Variants in MIB1 observed in about 807,000 individuals in gnomAD.
MIB1 encodes the protein E3 ubiquitin-protein ligase MIB1.
Under a neutral mutation model 124.5 loss-of-function variants are expected in MIB1, and 278 were observed. The ratio of observed to expected loss-of-function variants is 2.23; its 90% CI spans 2.02 to 2.47. The LOEUF (loss-of-function observed/expected upper bound fraction) is 2.47. Ranked by LOEUF, MIB1 falls within the 30% of genes most tolerant of loss-of-function variation. The probability of loss-of-function intolerance (pLI) is 0.00; values close to 1 mark genes in which losing one functional copy is unlikely to be tolerated. For missense variants in MIB1, 957 were observed against 1,254.4 expected (o/e 0.76, Z 3.58); for synonymous variants, 446 against 429.4 (o/e 1.04, Z -0.48).
intron 1 of MIB1, among the ~76,000 whole-genome samples, chr18:21,729,184 C>T (rs915463345): frequency 2.0e-5 from 3 of 152,186 alleles, no homozygotes; most frequent in African/African-American, 7.2e-5. Context: ...AACATCACCT[C>T]TATAGGTCTT....
chr18:21,741,563 G>A lies in MIB1; in HGVS notation c.-21G>A. The A allele has an allele frequency of 7.4e-7, 1 of 1,354,274 alleles. No homozygotes were observed. The highest frequency in any genetic ancestry group is 9.5e-7 in the Non-Finnish European group (1 of 1,054,162). The allele number at this position is 1,354,274 out of a possible 1,614,324, so 83.9% of individuals were successfully genotyped here. ...GGCGGCGGCGGCGGCGGCAGCGGCG[G>A]AGCCCACCGCCCGGGCCCCGATGAG... is the stretch of plus-strand genomic sequence containing the variant. On this transcript the variant is annotated 5_prime_UTR_variant, in exon 1 of 21. Coordinates refer to ENST00000261537, the MANE Select transcript of MIB1 (RefSeq NM_020774.4). This position sits in a 1 kb window ranked among gnomAD's most constrained non-coding sequence, Gnocchi z 5.4.
rs1335472450 is a variant in MIB1, at chr18:21,768,714, T to G, written c.493T>G (p.Trp165Gly). ...AGTGGTGCGAGGAGTGGACTGGCAG[T>G]GGGAAGATCAAGATGGAGGAAATGG... ...ARVVRGVDWQ[W>G]EDQDGGNGRR... The change falls in exon 3 of 21, where the codon TGG (tryptophan) becomes GGG (glycine). Residue 165 changes from tryptophan to glycine, a missense_variant. Transcript: ENST00000261537. 6.2e-7 allele frequency: 1 copy of G among 1,611,194 alleles called. No homozygotes were observed. The highest frequency in any genetic ancestry group is 1.7e-5 in the Admixed American group (1 of 59,830).
chr18:21,811,418 T>C (rs1358336744), intron 10 of MIB1, among the ~76,000 whole-genome samples: 1 of 152,214 alleles, frequency 6.6e-6, no homozygotes. Flanking sequence ...TTTGTTCACC[T>C]GTGTTTTTAG....
intron 17 of MIB1, among the ~76,000 whole-genome samples, chr18:21,851,491 G>A (rs996396695): frequency 6.6e-5 from 10 of 152,094 alleles, no homozygotes; most frequent in Admixed American, 5.2e-4. Flanking sequence ...TGCCAGGTTG[G>A]TTGTAGAGCC....
rs140117671 is a variant in MIB1 at position 21,719,231 on chromosome 18, G to A, written n.167+14108G>A. On this transcript the variant is annotated intron_variant and non_coding_transcript_variant, in intron 1 of 20. Coordinates refer to the MIB1 transcript ENST00000578646. ...TTAGCCAGGCATGGTAGCTACTTAG[G>A]AGGCTGAGGTGGGAGGATTGCTTGA... is the stretch of plus-strand genomic sequence containing the variant. 2.9e-3 allele frequency among the ~76,000 whole-genome samples: 440 copies of A among 152,046 alleles called. 14 individuals carry two copies. In the East Asian group the frequency reaches 0.055, roughly 19 times the overall value.
At chr18:21,774,360 G>T (rs960981643) in intron 4 of MIB1, among the ~76,000 whole-genome samples, 1 of 152,166 alleles carries the variant, frequency 6.6e-6, no homozygotes. Flanking sequence ...AGGCCCAGGT[G>T]GGTGGATCAC....
At chr18:21,828,035 G>T (rs2041942366) in intron 12 of MIB1, 1 of 151,810 alleles carries the variant, frequency 6.6e-6, no homozygotes, top group Admixed American at 6.6e-5. Flanking sequence ...GCATTATTTG[G>T]AATTTTTTAT....
At position 21,815,544 on chromosome 18, in the gene MIB1, A is replaced by G. The variant is rs145334316; in HGVS notation, c.1480-72A>G. 1,138 of 1,301,126 alleles carry G rather than the reference A, an allele frequency of 8.7e-4. 10 individuals carry two copies. In the East Asian group the frequency reaches 0.013, roughly 15 times the overall value. The allele number at this position is 1,301,126 out of a possible 1,614,324, so 80.6% of individuals were successfully genotyped here. A position where few individuals can be genotyped will look rare whatever the true frequency, so the allele number is the denominator to read the frequency against. ...TTCTCAAATTAATCTGCTTCTTGGTATATTATTATAGCTTCAAGGTTTTTT... is the reference window on the plus strand; with the variant it reads ...TTCTCAAATTAATCTGCTTCTTGGTGTATTATTATAGCTTCAAGGTTTTTT... On this transcript the variant is annotated intron_variant, in intron 10 of 20. Transcript: ENST00000261537.
At chr18:21,814,221 G>T (rs2041804663) in intron 10 of MIB1, among the ~76,000 whole-genome samples, 1 of 151,946 alleles carries the variant, frequency 6.6e-6, no homozygotes, top group Admixed American at 6.6e-5. Context: ...ATGGAATTTT[G>T]GTAGTTTATG....
In MIB1 at chr18:21,776,875, G is replaced by A. The variant is rs2041294532; in HGVS notation, c.637-1228G>A. 2.6e-5 allele frequency among the ~76,000 whole-genome samples: 4 copies of A among 152,020 alleles called. 1 individual carries two copies. The South Asian group carries it at 8.3e-4, about 32-fold the overall frequency. ...GCCTGTATTCCCAGCTACTGGGGAG[G>A]CAGAGGCAGGAGAATTGCTTGAACC... On this transcript the variant is annotated intron_variant, in intron 4 of 20. Transcript: ENST00000261537.
chr18:21,724,864 G>A (rs1478745100), intron 1 of MIB1, among the ~76,000 whole-genome samples: 3 of 143,502 alleles, frequency 2.1e-5, no homozygotes, highest in African/African-American at 7.7e-5. Flanking sequence ...AGACCGAGGC[G>A]GGCGGATCAC....
At chr18:21,835,219 T>A (rs1238618577) in intron 12 of MIB1, among the ~76,000 whole-genome samples, 1 of 152,192 alleles carries the variant, frequency 6.6e-6, no homozygotes, top group Non-Finnish European at 1.5e-5. Flanking sequence ...TTATCAAGAC[T>A]AGTCTTATTT....
At chr18:21,778,010 G>T in intron 4 of MIB1, 93 bp from the exon 5 acceptor site, 1 of 828,934 alleles carries the variant, frequency 1.2e-6, no homozygotes, top group Non-Finnish European at 2.1e-6. Context: ...TTTCTGTTTT[G>T]GGTATGTTCT....
At chr18:21,838,335 A>G in intron 12 of MIB1, 30 bp from the exon 13 acceptor site, 2 of 1,498,118 alleles carry the variant, frequency 1.3e-6, no homozygotes, top group Non-Finnish European at 1.8e-6. Flanking sequence ...AATTATGCAA[A>G]TATAGAAATA....
chr18:21,852,529 G>A (rs561643762), intron 17 of MIB1, among the ~76,000 whole-genome samples: 2 of 152,306 alleles, frequency 1.3e-5, no homozygotes, highest in Admixed American at 6.5e-5. Context: ...AAGTGGACAT[G>A]AAGAAGAGGT....
chr18:21,715,025 C>T (rs1179157276), intron 1 of MIB1, among the ~76,000 whole-genome samples: 2 of 152,104 alleles, frequency 1.3e-5, no homozygotes, highest in South Asian at 2.1e-4. Context: ...AGTCTCGCTT[C>T]GTGAACTTTT....
intron 1 of MIB1, among the ~76,000 whole-genome samples, chr18:21,718,728 G>A (rs191214229): frequency 1.3e-5 from 2 of 152,326 alleles, no homozygotes; most frequent in African/African-American, 4.8e-5. Flanking sequence ...TGGCAAGACA[G>A]GTTCAAGTTC....
At chr18:21,721,171 T>TG (rs2040713700) in intron 1 of MIB1, among the ~76,000 whole-genome samples, 1 of 99,924 alleles carries the variant, frequency 1.0e-5, no homozygotes, top group Admixed American at 9.9e-5. Context: ...TTTTTTTTTT[T>TG]TTTTTTTTTT....
At chr18:21,855,729 T>A (rs2042220497) in intron 18 of MIB1, among the ~76,000 whole-genome samples, 1 of 152,206 alleles carries the variant, frequency 6.6e-6, no homozygotes, top group Non-Finnish European at 1.5e-5. Flanking sequence ...GGTTTTGTGC[T>A]TTGTTCAAAT....
Sources: gnomAD v4.1 joint callset for allele counts (sites outside exome capture counted in the v4.1 genomes callset) on GRCh38, gnomAD v4.1.1 for gene constraint, Gnocchi (gnomAD v3.1) non-coding constraint, MANE v1.5 for transcripts, NCBI Gene and HGNC (gene_info 2026-07-23, HGNC 2026-07-21) for gene names.